The following PTPRN2 variants were observed in gnomAD, a reference collection of about 807,000 sequenced individuals.
The protein encoded by PTPRN2 is protein tyrosine phosphatase receptor type N2.
In PTPRN2, 74 loss-of-function variants were observed where a neutral mutation model predicts 118.8. The observed-to-expected ratio is 0.62, with a 90% CI of 0.52 to 0.76. PTPRN2 has a LOEUF of 0.76. Among genes scored for constraint, PTPRN2 ranks in the 30% least tolerant of loss-of-function variants. The probability of loss-of-function intolerance (pLI) is 0.00; values close to 1 mark genes in which losing one functional copy is unlikely to be tolerated. For synonymous variants in PTPRN2, 641 were observed against 608.0 expected (o/e 1.05, Z -0.80); for missense variants, 1,481 against 1,394.4 (o/e 1.06, Z -0.99).
chr7:158,440,203 C>T (rs536628197), intron 2 of PTPRN2, among the ~76,000 whole-genome samples: 16 of 152,324 alleles, frequency 1.1e-4, no homozygotes, highest in East Asian at 5.8e-4. Flanking sequence ...TAGGCAAAGT[C>T]GCCACCTCGA....
intron 21 of PTPRN2, among the ~76,000 whole-genome samples, chr7:157,563,511 G>A (rs1257538398): frequency 7.1e-5 from 6 of 84,414 alleles, no homozygotes; most frequent in Non-Finnish European, 8.8e-5. Flanking sequence ...ACGTGGTCCC[G>A]CATCACCACA....
At chr7:158,008,020 GTGC>G (rs1365670413) in intron 11 of PTPRN2, among the ~76,000 whole-genome samples, 1 of 149,044 alleles carries the variant, frequency 6.7e-6, no homozygotes, top group African/African-American at 2.5e-5. Flanking sequence ...GTGAGTGTGT[GTGC>G]TGTGTGTGGG....
At chr7:157,840,716 G>A (rs181284234) in intron 12 of PTPRN2, among the ~76,000 whole-genome samples, 9 of 152,368 alleles carry the variant, frequency 5.9e-5, no homozygotes, top group Admixed American at 5.2e-4. Context: ...CCGCCACCAG[G>A]CAGCATCCAG....
intron 13 of PTPRN2, among the ~76,000 whole-genome samples, chr7:157,665,956 G>A (rs920639095): frequency 9.2e-5 from 14 of 152,156 alleles, no homozygotes; most frequent in Non-Finnish European, 1.8e-4. Flanking sequence ...GACACAAGGC[G>A]GGGACCATCA....
intron 12 of PTPRN2, among the ~76,000 whole-genome samples, chr7:157,788,846 G>A (rs916027319): frequency 1.3e-5 from 2 of 152,218 alleles, no homozygotes; most frequent in African/African-American, 4.8e-5. Flanking sequence ...CCATGTGGGA[G>A]GCAGCCGGGG....
At chr7:157,848,002 G>A (rs1808992807) in intron 12 of PTPRN2, among the ~76,000 whole-genome samples, 2 of 149,926 alleles carry the variant, frequency 1.3e-5, no homozygotes, top group Admixed American at 1.3e-4. Flanking sequence ...TACATCATGT[G>A]TGCCTGATGT....
chr7:157,849,939 T>G (rs1329734257), intron 12 of PTPRN2, among the ~76,000 whole-genome samples: 1 of 152,218 alleles, frequency 6.6e-6, no homozygotes, highest in East Asian at 1.9e-4. Flanking sequence ...TGCCGTGTCC[T>G]GGGGACGACA....
chr7:158,373,695 G>C (rs1810278208), intron 2 of PTPRN2, among the ~76,000 whole-genome samples: 1 of 152,220 alleles, frequency 6.6e-6, no homozygotes, highest in African/African-American at 2.4e-5. Flanking sequence ...AGTGCGGCCA[G>C]TTCCCACCGG....
chr7:157,660,499 G>A (rs1795833532), intron 13 of PTPRN2, among the ~76,000 whole-genome samples: 1 of 152,154 alleles, frequency 6.6e-6, no homozygotes, highest in Non-Finnish European at 1.5e-5. Context: ...GTGAACTTGG[G>A]AAAACCTCTA....
At chr7:157,661,377 G>A (rs1795878260) in intron 13 of PTPRN2, among the ~76,000 whole-genome samples, 1 of 152,184 alleles carries the variant, frequency 6.6e-6, no homozygotes, top group South Asian at 2.1e-4. Flanking sequence ...AGACGCTGCC[G>A]TGGGAGAAGG....
chr7:157,663,388 G>A (rs975097921), intron 13 of PTPRN2, among the ~76,000 whole-genome samples: 7 of 152,204 alleles, frequency 4.6e-5, no homozygotes, highest in Non-Finnish European at 7.3e-5. Flanking sequence ...CTCCCTTGGC[G>A]ATAAACACAA....
rs148179554 is a variant in PTPRN2, at chr7:157,983,966, G to A, written c.1724-85229C>T. ...CAGCCTCCCTGGAATCCCTGAGGAG[G>A]AGCCGGCTCACCCAGCGCCGCGAGC... On this transcript the variant is annotated intron_variant, in intron 11 of 22. Transcript: ENST00000389418. Among the ~76,000 whole-genome samples, 999 of 152,234 alleles carry A rather than the reference G, an allele frequency of 6.6e-3. 7 individuals are homozygous for A. Among genetic ancestry groups the A allele is most frequent in the Middle Eastern group, 0.037 (11 of 294 alleles).
intron 16 of PTPRN2, among the ~76,000 whole-genome samples, chr7:157,602,005 G>A (rs756963101): frequency 2.0e-5 from 3 of 152,212 alleles, no homozygotes; most frequent in Non-Finnish European, 2.9e-5. Flanking sequence ...GCACATCAGC[G>A]AGGCTTTGGT....
intron 3 of PTPRN2, among the ~76,000 whole-genome samples, chr7:158,270,326 C>T (rs975597789): frequency 1.4e-4 from 21 of 152,168 alleles, no homozygotes; most frequent in East Asian, 1.2e-3. Flanking sequence ...AGGTGCAGAG[C>T]GGGAGCCAGG....
chr7:158,047,454 C>T (rs924258832), intron 11 of PTPRN2, among the ~76,000 whole-genome samples: 2 of 152,198 alleles, frequency 1.3e-5, no homozygotes, highest in East Asian at 3.9e-4. Flanking sequence ...TTGTGCTGTG[C>T]GAGGCCTGCC....
At chr7:158,242,089 C>T (rs908603963) in intron 3 of PTPRN2, among the ~76,000 whole-genome samples, 3 of 152,210 alleles carry the variant, frequency 2.0e-5, no homozygotes, top group African/African-American at 4.8e-5. Flanking sequence ...TTCACCCACC[C>T]GGTAGAGCCA....
chr7:158,582,442 G>A (rs957640811), intron 1 of PTPRN2, among the ~76,000 whole-genome samples: 1 of 151,878 alleles, frequency 6.6e-6, no homozygotes, highest in Non-Finnish European at 1.5e-5. Flanking sequence ...AAACCTGGTC[G>A]GGCACAGTGG....
chr7:157,970,732 A>T (rs1347390), intron 11 of PTPRN2, among the ~76,000 whole-genome samples: 1 of 151,132 alleles, frequency 6.6e-6, no homozygotes, highest in African/African-American at 2.4e-5. Flanking sequence ...TGGACAGCCC[A>T]GCAGGGGTAG....
At chr7:158,396,507 C>G (rs1191026816) in intron 2 of PTPRN2, among the ~76,000 whole-genome samples, 3 of 151,866 alleles carry the variant, frequency 2.0e-5, no homozygotes, top group Non-Finnish European at 2.9e-5. Context: ...GTGGAGGGAG[C>G]GAGCTGCTCC....
Sources: allele counts gnomAD v4.1 joint callset (sites outside exome capture counted in the v4.1 genomes callset), GRCh38; gene constraint gnomAD v4.1.1; transcripts MANE v1.5; gene names NCBI Gene and HGNC (gene_info 2026-07-23, HGNC 2026-07-21).